The following PRELID2 variants were observed in gnomAD, a reference collection of about 807,000 sequenced individuals.
The protein encoded by PRELID2 is PRELI domain-containing protein 2.
A neutral mutation model predicts 28.4 loss-of-function variants in PRELID2; 25 were observed. The ratio of observed to expected loss-of-function variants is 0.88; its 90% CI spans 0.64 to 1.23. PRELID2 has a LOEUF of 1.23. Among genes scored for constraint, PRELID2 ranks in the 50% most tolerant of loss-of-function variants. The pLI, the probability that PRELID2 is intolerant of heterozygous loss-of-function variation, is 0.00. For missense variants in PRELID2, 201 were observed against 214.4 expected, an observed-to-expected ratio of 0.94 and a Z score of 0.39; for synonymous variants, 76 against 71.6, an observed-to-expected ratio of 1.06 and a Z score of -0.31.
At chr5:145,393,504 G>A in the PRELID2 span, among the ~76,000 whole-genome samples, 1 of 152,210 alleles carries the variant, frequency 6.6e-6, no homozygotes, top group African/African-American at 2.4e-5. Context: ...CTGTAGGGCT[G>A]ACACATGGTC....
the PRELID2 span, among the ~76,000 whole-genome samples, chr5:145,462,212 T>C: frequency 1.3e-5 from 2 of 152,148 alleles, no homozygotes; most frequent in African/African-American, 4.8e-5. Flanking sequence ...TCCAGAAAAA[T>C]CTCAGGAGAC....
chr5:145,639,703 C>G, intron 1 of PRELID2, among the ~76,000 whole-genome samples: 1 of 152,080 alleles, frequency 6.6e-6, no homozygotes, highest in African/African-American at 2.4e-5. Flanking sequence ...TTGGGTTGGG[C>G]CTAAGGGATA....
At chr5:145,804,580 G>A (rs995528037) in intron 4 of PRELID2, among the ~76,000 whole-genome samples, 1 of 152,070 alleles carries the variant, frequency 6.6e-6, no homozygotes, top group Non-Finnish European at 1.5e-5. Context: ...GTAAAGCATT[G>A]TATTAAGTTT....
chr5:145,633,553 A>G (rs116456027), intron 1 of PRELID2, among the ~76,000 whole-genome samples: 11 of 152,308 alleles, frequency 7.2e-5, no homozygotes, highest in African/African-American at 2.4e-4. Context: ...ATTATCTCCA[A>G]TGATCCTACA....
At chr5:145,650,535 T>C (rs1372172508) in intron 1 of PRELID2, among the ~76,000 whole-genome samples, 27 of 32,848 alleles carry the variant, frequency 8.2e-4, no homozygotes, top group Admixed American at 4.6e-3. Flanking sequence ...TATATACATA[T>C]ATATATATAT....
chr5:145,267,530 A>C, the PRELID2 span, among the ~76,000 whole-genome samples: 11 of 152,100 alleles, frequency 7.2e-5, 1 homozygote, highest in Admixed American at 7.2e-4. Flanking sequence ...CATTGTGTAT[A>C]AGCACAACAT....
At chr5:145,467,055 C>T (rs1361884862), downstream of PRELID2, among the ~76,000 whole-genome samples, 1 of 152,076 alleles carries the variant, frequency 6.6e-6, no homozygotes, top group Non-Finnish European at 1.5e-5. Flanking sequence ...TTATAATGCC[C>T]ACGAGCATCT....
At chr5:145,258,577 T>C in the PRELID2 span, among the ~76,000 whole-genome samples, 1 of 152,164 alleles carries the variant, frequency 6.6e-6, no homozygotes, top group African/African-American at 2.4e-5. Context: ...ATTTAGGGTA[T>C]CTGTAGAACA....
the PRELID2 span, among the ~76,000 whole-genome samples, chr5:145,397,524 C>A: frequency 6.6e-6 from 1 of 152,192 alleles, no homozygotes; most frequent in African/African-American, 2.4e-5. Flanking sequence ...TTGCATCTTG[C>A]AATTTTCTTC....
chr5:145,581,413 G>T (rs1369687435), intron 1 of PRELID2, among the ~76,000 whole-genome samples: 1 of 152,048 alleles, frequency 6.6e-6, no homozygotes, highest in Non-Finnish European at 1.5e-5. Flanking sequence ...GATATATGTG[G>T]GAGGTTTGCG....
the PRELID2 span, among the ~76,000 whole-genome samples, chr5:145,251,780 CT>C: frequency 6.6e-6 from 1 of 152,066 alleles, no homozygotes; most frequent in African/African-American, 2.4e-5. Flanking sequence ...CCCAGCTTGC[CT>C]CATTGAGTGA....
chr5:145,353,507 A>G, the PRELID2 span, among the ~76,000 whole-genome samples: 1 of 152,120 alleles, frequency 6.6e-6, no homozygotes, highest in African/African-American at 2.4e-5. Context: ...GAGACCGGGT[A>G]ATTTGTAAAG....
rs533841655 is a variant in PRELID2, at chr5:145,663,190, T to C, written n.70+101741A>G. Among the ~76,000 whole-genome samples the C allele has an allele frequency of 7.2e-5, 11 of 152,220 alleles. No homozygotes were observed. The South Asian group carries it at 2.3e-3, about 32-fold the overall frequency. On this transcript the variant is annotated intron_variant and non_coding_transcript_variant, in intron 1 of 2. Coordinates refer to the PRELID2 transcript ENST00000510259. Reference sequence around the variant, plus strand: ...TTACCTTCTAGCTAGAGAACCAAGATGCAAGAATGACAAATGTGCAGCACA... The same window carrying C: ...TTACCTTCTAGCTAGAGAACCAAGACGCAAGAATGACAAATGTGCAGCACA...
intron 1 of PRELID2, chr5:145,826,124 T>C: frequency 1.0e-6 from 1 of 985,438 alleles, no homozygotes; most frequent in Non-Finnish European, 1.2e-6. Flanking sequence ...GAGCAGCTAC[T>C]GTGTTCACGC....
At chr5:145,688,240 C>T (rs1195969867) in intron 1 of PRELID2, among the ~76,000 whole-genome samples, 1 of 152,202 alleles carries the variant, frequency 6.6e-6, no homozygotes, top group African/African-American at 2.4e-5. Context: ...TTTAAGGCAT[C>T]TTGTTTGTTG....
rs1055883051 is a variant in PRELID2 at position 145,721,232 on chromosome 5, G to A, written n.70+43699C>T. On this transcript the variant is annotated intron_variant and non_coding_transcript_variant, in intron 1 of 2. Coordinates refer to the PRELID2 transcript ENST00000510259. ...CACACGCATTCATGAGAAAAGGATA[G>A]TAGAAAAGTGAAATGATGTCTTAGT... 3.3e-5 allele frequency among the ~76,000 whole-genome samples: 5 copies of A among 152,070 alleles called. No homozygotes were observed. The South Asian group carries it at 1.0e-3, about 31-fold the overall frequency.
At chr5:145,608,702 T>C (rs909873461) in intron 1 of PRELID2, among the ~76,000 whole-genome samples, 13 of 152,204 alleles carry the variant, frequency 8.5e-5, no homozygotes, top group African/African-American at 2.9e-4. Flanking sequence ...TTGGAGAATC[T>C]GATGACTATG....
intron 1 of PRELID2, among the ~76,000 whole-genome samples, chr5:145,484,389 A>AGAT (rs1398054655): frequency 6.6e-6 from 1 of 152,224 alleles, no homozygotes; most frequent in Non-Finnish European, 1.5e-5. Context: ...TCATGTAAGC[A>AGAT]GATCCTCCTA....
chr5:145,794,384 C>T (rs1752596595), intron 5 of PRELID2, among the ~76,000 whole-genome samples: 1 of 152,142 alleles, frequency 6.6e-6, no homozygotes, highest in South Asian at 2.1e-4. Flanking sequence ...AGTAAGACCA[C>T]AACACAAATT....
Sources: gnomAD v4.1 joint callset for allele counts (sites outside exome capture counted in the v4.1 genomes callset) on GRCh38, gnomAD v4.1.1 for gene constraint, MANE v1.5 for transcripts, NCBI Gene and HGNC (gene_info 2026-07-23, HGNC 2026-07-21) for gene names.